Variants in NREP observed in about 807,000 individuals in gnomAD.
The protein encoded by NREP is neuronal regeneration-related protein.
Under a neutral mutation model 8.6 loss-of-function variants are expected in NREP, and 5 were observed. That is an observed-to-expected ratio of 0.58 (90% CI 0.30 to 1.22). The LOEUF (loss-of-function observed/expected upper bound fraction) is 1.22. NREP is among the 50% of genes most tolerant of loss of function. The probability of loss-of-function intolerance (pLI) is 0.07; values close to 1 mark genes in which losing one functional copy is unlikely to be tolerated. For synonymous variants in NREP, 27 were observed against 28.0 expected (o/e 0.96, Z 0.11); for missense variants, 86 against 82.5 (o/e 1.04, Z -0.17).
At chr5:111,806,295 C>A (rs1273871606) in intron 2 of NREP, among the ~76,000 whole-genome samples, 1 of 152,084 alleles carries the variant, frequency 6.6e-6, no homozygotes, top group Non-Finnish European at 1.5e-5. Flanking sequence ...TCTGATGGCA[C>A]AGGCTTGATA....
intron 2 of NREP, among the ~76,000 whole-genome samples, chr5:111,833,288 A>G (rs769827184): frequency 2.8e-4 from 42 of 152,236 alleles, no homozygotes; most frequent in Non-Finnish European, 5.0e-4. Context: ...TTTATCCTAC[A>G]ATGGCAATTA....
chr5:111,911,409 G>A (rs1754909112), intron 2 of NREP, among the ~76,000 whole-genome samples: 1 of 151,984 alleles, frequency 6.6e-6, no homozygotes, highest in African/African-American at 2.4e-5. Context: ...CTACACAATT[G>A]TGTTCAATAA....
intron 2 of NREP, among the ~76,000 whole-genome samples, chr5:111,856,727 C>T (rs534419890): frequency 3.3e-5 from 5 of 151,606 alleles, no homozygotes; most frequent in South Asian, 4.2e-4. Context: ...TTTTATGATA[C>T]GAAGATTTTT....
chr5:111,773,880 T>C (rs1411830069), intron 2 of NREP, among the ~76,000 whole-genome samples: 1 of 152,130 alleles, frequency 6.6e-6, no homozygotes, highest in African/African-American at 2.4e-5. Context: ...TTGCGGGGCT[T>C]AGGGCAATCC....
chr5:111,817,389 G>A (rs1752407700), intron 2 of NREP, among the ~76,000 whole-genome samples: 1 of 152,048 alleles, frequency 6.6e-6, no homozygotes, highest in Non-Finnish European at 1.5e-5. Context: ...CTTTAATTTT[G>A]ATGCATGCTG....
chr5:111,875,118 A>G (rs1753874167), intron 2 of NREP, among the ~76,000 whole-genome samples: 1 of 152,222 alleles, frequency 6.6e-6, no homozygotes, highest in African/African-American at 2.4e-5. Context: ...AATCAGAAAT[A>G]ACAAAGACAA....
rs140922972 is a variant in NREP at position 111,917,263 on chromosome 5, C to G, written c.135+58011G>C. Among the ~76,000 whole-genome samples, 43 of 152,180 alleles carry G rather than the reference C, an allele frequency of 2.8e-4. No homozygotes were observed. The East Asian group carries it at 4.3e-3, about 15-fold the overall frequency. ...GCCCAGGACCAGATGGATTCACAGCCGAATTCTACCAGAGGTACAAAGAAT... is the reference window on the plus strand; with the variant it reads ...GCCCAGGACCAGATGGATTCACAGCGGAATTCTACCAGAGGTACAAAGAAT... On this transcript the variant is annotated intron_variant, in intron 2 of 3. Coordinates refer to the NREP transcript ENST00000395634.
chr5:111,953,505 C>A (rs1756223684), intron 2 of NREP, among the ~76,000 whole-genome samples: 1 of 152,038 alleles, frequency 6.6e-6, no homozygotes, highest in African/African-American at 2.4e-5. Context: ...CCAACTTTAT[C>A]TGAACATTCT....
At chr5:111,769,385 G>A (rs983214121) in intron 2 of NREP, among the ~76,000 whole-genome samples, 1 of 152,190 alleles carries the variant, frequency 6.6e-6, no homozygotes, top group Non-Finnish European at 1.5e-5. Flanking sequence ...TATAAGCAGG[G>A]CATTTTCAGA....
chr5:111,841,784 TC>T (rs1261003016), intron 2 of NREP, among the ~76,000 whole-genome samples: 1 of 152,152 alleles, frequency 6.6e-6, no homozygotes, highest in Non-Finnish European at 1.5e-5. Context: ...AGACCCCTCT[TC>T]TGGTCAATAA....
rs530136370 is a variant in NREP, at chr5:111,819,851, A to G, written c.136-84344T>C. On this transcript the variant is annotated intron_variant, in intron 2 of 3. Coordinates refer to the NREP transcript ENST00000395634. ...CTTGCACTTAGGAATACTTGACAGT[A>G]TTTCAGGACTACACTTGGAACAGAC... Among the ~76,000 whole-genome samples the G allele has an allele frequency of 2.0e-5, 3 of 152,314 alleles. No homozygotes were observed. The South Asian group carries it at 6.2e-4, about 32-fold the overall frequency.
chr5:111,776,649 G>A (rs1473010157), intron 2 of NREP, among the ~76,000 whole-genome samples: 1 of 152,098 alleles, frequency 6.6e-6, no homozygotes, highest in Non-Finnish European at 1.5e-5. Context: ...TAAGCTGATG[G>A]AAACATCAGT....
At chr5:111,828,320 C>T (rs979550465) in intron 2 of NREP, among the ~76,000 whole-genome samples, 2 of 152,032 alleles carry the variant, frequency 1.3e-5, no homozygotes, top group African/African-American at 2.4e-5. Flanking sequence ...TGAGACACCG[C>T]GCCCGGCCGG....
intron 2 of NREP, chr5:111,975,124 G>A (rs903258019): frequency 4.8e-6 from 3 of 625,952 alleles, no homozygotes; most frequent in African/African-American, 3.7e-5. Context: ...TAGGAAATAG[G>A]CTGAAAAGCC....
chr5:111,814,187 T>C (rs1184154038), intron 2 of NREP, among the ~76,000 whole-genome samples: 1 of 152,134 alleles, frequency 6.6e-6, no homozygotes, highest in East Asian at 1.9e-4. Context: ...GCAAATATAA[T>C]GTCCTTAGAT....
chr5:111,923,289 C>A (rs1477860538), intron 2 of NREP, among the ~76,000 whole-genome samples: 1 of 152,160 alleles, frequency 6.6e-6, no homozygotes, highest in African/African-American at 2.4e-5. Context: ...CCCTGCCTTA[C>A]AGACTCCCTG....
At chr5:111,878,999 T>A (rs527530406) in intron 2 of NREP, among the ~76,000 whole-genome samples, 1 of 152,334 alleles carries the variant, frequency 6.6e-6, no homozygotes, top group Admixed American at 6.5e-5. Context: ...TGACCACCAA[T>A]GTTAGAAGTC....
chr5:111,813,667 G>C (rs1008329531), intron 2 of NREP, among the ~76,000 whole-genome samples: 1 of 151,980 alleles, frequency 6.6e-6, no homozygotes, highest in African/African-American at 2.4e-5. Flanking sequence ...ACTATTTTTA[G>C]TAATTGACCT....
At chr5:111,759,386 C>T (rs777674100), upstream of NREP, among the ~76,000 whole-genome samples, 1 of 152,008 alleles carries the variant, frequency 6.6e-6, no homozygotes, top group Non-Finnish European at 1.5e-5. Flanking sequence ...TGTTCTTTCA[C>T]AGAGAAGTGT....
Sources: gnomAD v4.1 joint callset for allele counts (sites outside exome capture counted in the v4.1 genomes callset) on GRCh38, gnomAD v4.1.1 for gene constraint, MANE v1.5 for transcripts, NCBI Gene and HGNC (gene_info 2026-07-23, HGNC 2026-07-21) for gene names.